PLD5: variants seen among roughly 807,000 people sequenced by gnomAD.
PLD5 encodes the protein phospholipase D family member 5.
PLD5 carries 36 observed loss-of-function variants against 61.1 expected under a neutral mutation model. That is an observed-to-expected ratio of 0.59 (90% CI 0.45 to 0.78). The LOEUF is 0.78. PLD5 is among the 30% of genes least tolerant of loss of function. The pLI, the probability that PLD5 is intolerant of heterozygous loss-of-function variation, is 0.00. For synonymous variants in PLD5, 243 were observed against 242.8 expected, an observed-to-expected ratio of 1.00 and a Z score of -0.01; for missense variants, 515 against 644.4, an observed-to-expected ratio of 0.80 and a Z score of 2.17.
intron 1 of PLD5, among the ~76,000 whole-genome samples, chr1:242,464,341 G>A (rs1667211499): frequency 6.6e-6 from 1 of 152,110 alleles, no homozygotes; most frequent in African/African-American, 2.4e-5. Flanking sequence ...AGTGCTACCT[G>A]GATGTTTAGG....
intron 5 of PLD5, among the ~76,000 whole-genome samples, chr1:242,192,729 A>AGTGAACTTACAGTATTAAGGG (rs1668364004): frequency 1.3e-5 from 2 of 151,900 alleles, no homozygotes; most frequent in African/African-American, 4.9e-5. Context: ...TGAAGTATTG[A>AGTGAACTTACAGTATTAAGGG]AGATGTTGAA....
chr1:242,386,085 T>A (rs1214652046), intron 1 of PLD5, among the ~76,000 whole-genome samples: 2 of 152,132 alleles, frequency 1.3e-5, no homozygotes, highest in Non-Finnish European at 2.9e-5. Flanking sequence ...TCACATCATC[T>A]TCCCCCTACA....
intron 5 of PLD5, among the ~76,000 whole-genome samples, chr1:242,169,448 C>A (rs10803018): frequency 0.34 from 52,035 of 152,068 alleles, 9,117 homozygotes; most frequent in African/African-American, 0.37. Flanking sequence ...AACCCGTAGA[C>A]CAGGAGATAC....
intron 3 of PLD5, among the ~76,000 whole-genome samples, chr1:242,266,558 C>T (rs1477716948): frequency 1.3e-5 from 2 of 152,158 alleles, no homozygotes; most frequent in South Asian, 2.1e-4. Context: ...AATAGACTCC[C>T]GTCTGTCTCC....
chr1:242,154,773 G>A (rs867479054), intron 5 of PLD5, among the ~76,000 whole-genome samples: 2 of 152,022 alleles, frequency 1.3e-5, no homozygotes, highest in East Asian at 1.9e-4. Flanking sequence ...TTTTCACCTC[G>A]ATGTTCATCA....
At chr1:242,423,580 T>A (rs539680147) in intron 1 of PLD5, among the ~76,000 whole-genome samples, 2 of 152,006 alleles carry the variant, frequency 1.3e-5, no homozygotes, top group Non-Finnish European at 2.9e-5. Context: ...GGTAGGAGGA[T>A]CACTCAAGCC....
chr1:242,176,556 C>A (rs1471847399), intron 5 of PLD5, among the ~76,000 whole-genome samples: 1 of 152,120 alleles, frequency 6.6e-6, no homozygotes, highest in Non-Finnish European at 1.5e-5. Flanking sequence ...GCACCAAAAA[C>A]AATGGAAACA....
intron 4 of PLD5, among the ~76,000 whole-genome samples, chr1:242,258,802 C>A (rs529298817): frequency 6.6e-6 from 1 of 152,332 alleles, no homozygotes; most frequent in Admixed American, 6.5e-5. Context: ...CGTTGACACT[C>A]TTGGTGGTAC....
rs374096242 is a variant in PLD5, at chr1:242,107,868, A to G, written c.1071-29T>C. 90 of 1,556,254 alleles carry G rather than the reference A, an allele frequency of 5.8e-5. 1 individual carries two copies. The African/African-American group carries it at 7.7e-4, about 13-fold the overall frequency. On this transcript the variant is annotated intron_variant, in intron 7 of 9. Transcript: ENST00000536534. ...CAGAAATCATATCCAAATAGAAAAA[A>G]TAAACTAAGTTAGTTTGGGAAAAGA...
At chr1:242,359,001 A>T (rs1043635610) in intron 1 of PLD5, among the ~76,000 whole-genome samples, 5 of 152,144 alleles carry the variant, frequency 3.3e-5, no homozygotes, top group African/African-American at 1.2e-4. Flanking sequence ...CTGGCTATCG[A>T]GGGATTCAAG....
chr1:242,221,268 T>G (rs927859570), intron 4 of PLD5, among the ~76,000 whole-genome samples: 3 of 152,220 alleles, frequency 2.0e-5, no homozygotes, highest in African/African-American at 7.2e-5. Context: ...TAAATAAATT[T>G]CTGCTAAAGG....
intron 1 of PLD5, among the ~76,000 whole-genome samples, chr1:242,366,269 C>T (rs1033218276): frequency 2.6e-5 from 4 of 152,176 alleles, no homozygotes; most frequent in Admixed American, 1.3e-4. Flanking sequence ...ATGACCTCAA[C>T]AGGGAAGATA....
intron 1 of PLD5, among the ~76,000 whole-genome samples, chr1:242,444,826 A>G (rs1400195183): frequency 2.0e-5 from 3 of 150,388 alleles, no homozygotes; most frequent in Admixed American, 6.7e-5. Flanking sequence ...GACTTTGGGA[A>G]CAGGCCATAG....
At chr1:242,266,380 C>T (rs965610196) in intron 3 of PLD5, among the ~76,000 whole-genome samples, 1 of 152,108 alleles carries the variant, frequency 6.6e-6, no homozygotes, top group East Asian at 1.9e-4. Flanking sequence ...GAATCCATCT[C>T]AACAAACAAA....
At chr1:242,233,069 G>T (rs765607434) in intron 4 of PLD5, among the ~76,000 whole-genome samples, 2 of 151,754 alleles carry the variant, frequency 1.3e-5, no homozygotes, top group South Asian at 4.2e-4. Flanking sequence ...CAGAAGAATC[G>T]CTTGAACCCG....
intron 2 of PLD5, among the ~76,000 whole-genome samples, chr1:242,336,748 C>T (rs1292445839): frequency 6.6e-6 from 1 of 151,856 alleles, no homozygotes; most frequent in Non-Finnish European, 1.5e-5. Flanking sequence ...TTTTCTATTG[C>T]ATACATAGTT....
At chr1:242,450,425 C>T (rs1666733894) in intron 1 of PLD5, among the ~76,000 whole-genome samples, 1 of 152,308 alleles carries the variant, frequency 6.6e-6, no homozygotes, top group African/African-American at 2.4e-5. Context: ...TTTCCCATTA[C>T]TGTTGGAAAT....
At chr1:242,348,344 G>T (rs1574774904) in intron 1 of PLD5, 102 bp from the exon 2 acceptor site, 3 of 1,286,976 alleles carry the variant, frequency 2.3e-6, no homozygotes, top group Non-Finnish European at 3.2e-6. Context: ...AATGGGTGGG[G>T]ATACGATTAT....
intron 2 of PLD5, among the ~76,000 whole-genome samples, chr1:242,315,413 A>G: frequency 6.6e-6 from 1 of 152,202 alleles, no homozygotes; most frequent in Non-Finnish European, 1.5e-5. Context: ...ACATTTATTG[A>G]GTACCTACAA....
Sources: allele counts gnomAD v4.1 joint callset (sites outside exome capture counted in the v4.1 genomes callset), GRCh38; gene constraint gnomAD v4.1.1; transcripts MANE v1.5; gene names NCBI Gene and HGNC (gene_info 2026-07-23, HGNC 2026-07-21).